Variants in FRAS1 observed in about 807,000 individuals in gnomAD.
FRAS1 encodes the protein extracellular matrix organizing protein FRAS1.
A neutral mutation model predicts 435.2 loss-of-function variants in FRAS1; 290 were observed. That is an observed-to-expected ratio of 0.67 (90% CI 0.61 to 0.73). The LOEUF (loss-of-function observed/expected upper bound fraction) is 0.73, where lower values mean the gene tolerates loss of function less well. Among genes scored for constraint, FRAS1 ranks in the 30% least tolerant of loss-of-function variants. The pLI is 0.00. For missense variants in FRAS1, 4,860 were observed against 5,001.5 expected (o/e 0.97, Z 0.85); for synonymous variants, 1,800 against 1,851.0 (o/e 0.97, Z 0.71).
rs187862671 is a variant in FRAS1, at chr4:78,522,291, C to T, written c.10649-358C>T. On this transcript the variant is annotated intron_variant, in intron 68 of 73. Coordinates refer to ENST00000512123, the MANE Select transcript of FRAS1 (RefSeq NM_025074.7). ...TTTATAAACTACTGAGACCTTTCTA[C>T]CTCCAAGAAACATGTTCGTTAGAAT... is the stretch of plus-strand genomic sequence containing the variant. Among the ~76,000 whole-genome samples, 139 of 152,292 alleles carry T rather than the reference C, an allele frequency of 9.1e-4. 1 individual carries two copies. Among genetic ancestry groups the T allele is most frequent in the Admixed American group, 4.2e-3 (65 of 15,298 alleles).
chr4:78,354,229 A>G (rs1434113395), intron 20 of FRAS1, among the ~76,000 whole-genome samples: 1 of 152,102 alleles, frequency 6.6e-6, no homozygotes, highest in East Asian at 1.9e-4. Context: ...GAGTTTGTCT[A>G]CACTGGGTAG....
chr4:78,111,994 A>C (rs570827915), intron 2 of FRAS1, among the ~76,000 whole-genome samples: 1 of 152,260 alleles, frequency 6.6e-6, no homozygotes, highest in East Asian at 1.9e-4. Context: ...TGTTTTAAAA[A>C]ATCCAGAAAA....
At chr4:78,265,192 AC>A (rs1726292122) in intron 7 of FRAS1, 84 bp downstream of exon 7, 1 of 781,500 alleles carries the variant, frequency 1.3e-6, no homozygotes, top group Non-Finnish European at 2.1e-6. Flanking sequence ...ACCATAAGTC[AC>A]CACCCTCATG....
In FRAS1 at chr4:78,278,655, G is replaced by A. The variant is rs766366654; in HGVS notation, c.982G>A (p.Asp328Asn). ...GCCACTGCAACCCTTATTTCTACAG[G>A]ATGAAGAATTAATTCACTTAGATGG... The part of the protein sequence containing the change: ...GECAKVECAR[D>N]EELIHLDGKC... The change falls in exon 10 of 74, where the codon GAT becomes AAT. Residue 328 changes from aspartate (D) to asparagine (N), a missense_variant and splice_region_variant. Asp to Asn is a conservative substitution (Grantham distance 23). Coordinates refer to ENST00000512123, the MANE Select transcript of FRAS1 (RefSeq NM_025074.7). The A allele has an allele frequency of 1.9e-6, 3 of 1,557,184 alleles. No homozygotes were observed. Among genetic ancestry groups the A allele is most frequent in the Non-Finnish European group, 2.7e-6 (3 of 1,128,512 alleles).
chr4:78,101,453 C>T (rs546096031), intron 2 of FRAS1, among the ~76,000 whole-genome samples: 15 of 152,292 alleles, frequency 9.8e-5, no homozygotes, highest in South Asian at 4.1e-4. Flanking sequence ...TTCACATCAA[C>T]AAAAACCAAA....
At chr4:78,495,475 C>T (rs6825278) in intron 59 of FRAS1, among the ~76,000 whole-genome samples, 110,741 of 151,988 alleles carry the variant, frequency 0.73, 42,035 homozygotes, top group East Asian at 1. Context: ...GCACTCATGA[C>T]ATTTACACAT....
At chr4:78,242,046 A>G (rs1489264301) in intron 3 of FRAS1, among the ~76,000 whole-genome samples, 1 of 152,168 alleles carries the variant, frequency 6.6e-6, no homozygotes, top group East Asian at 1.9e-4. Flanking sequence ...CTTGTACCAG[A>G]TGATCCAACC....
At chr4:78,168,267 T>C (rs950210231) in intron 2 of FRAS1, among the ~76,000 whole-genome samples, 4 of 152,132 alleles carry the variant, frequency 2.6e-5, no homozygotes, top group Non-Finnish European at 5.9e-5. Flanking sequence ...TGGTTCTTCT[T>C]GTCCCCTGCG....
At chr4:78,239,087 C>A (rs745990835) in intron 3 of FRAS1, among the ~76,000 whole-genome samples, 6 of 152,116 alleles carry the variant, frequency 3.9e-5, no homozygotes, top group South Asian at 2.1e-4. Context: ...GTATAGTTGC[C>A]ATGTAGACCA....
At chr4:78,430,241 G>A (rs186999556) in intron 36 of FRAS1, 51 bp from the exon 37 acceptor site, 144 of 1,610,624 alleles carry the variant, frequency 8.9e-5, no homozygotes, top group Admixed American at 1.8e-4. Flanking sequence ...ATAGTCTATC[G>A]TCTTTAACAT....
At chr4:78,324,555 G>A (rs978748189) in intron 18 of FRAS1, among the ~76,000 whole-genome samples, 2 of 152,078 alleles carry the variant, frequency 1.3e-5, no homozygotes, top group Non-Finnish European at 2.9e-5. Flanking sequence ...TTGAAAGTTT[G>A]CATATATCTA....
chr4:78,177,988 T>G (rs942902799), intron 2 of FRAS1, among the ~76,000 whole-genome samples: 2 of 152,128 alleles, frequency 1.3e-5, no homozygotes, highest in Admixed American at 6.5e-5. Flanking sequence ...TCAAAGAAAT[T>G]TTTTCTGTCT....
intron 2 of FRAS1, among the ~76,000 whole-genome samples, chr4:78,128,543 A>C (rs1334007965): frequency 2.0e-5 from 3 of 152,130 alleles, no homozygotes; most frequent in Non-Finnish European, 4.4e-5. Context: ...TGGCTGCATA[A>C]ATGTCTTCTT....
At chr4:78,192,336 G>A (rs751389662) in intron 2 of FRAS1, among the ~76,000 whole-genome samples, 1 of 152,144 alleles carries the variant, frequency 6.6e-6, no homozygotes, top group Non-Finnish European at 1.5e-5. Flanking sequence ...CTATTGATAG[G>A]AATAGTTTCA....
At chr4:78,090,596 G>T (rs374389082) in intron 2 of FRAS1, among the ~76,000 whole-genome samples, 96 of 152,156 alleles carry the variant, frequency 6.3e-4, no homozygotes, top group African/African-American at 2.2e-3. Flanking sequence ...TGTTCCCGAG[G>T]CCCCCAAACC....
intron 13 of FRAS1, 139 bp downstream of exon 13, chr4:78,284,687 T>C (rs1485355750): frequency 1.4e-5 from 10 of 701,466 alleles, no homozygotes; most frequent in Non-Finnish European, 6.9e-6. Context: ...GCACAACGTC[T>C]AAAAACCTCT....
intron 2 of FRAS1, among the ~76,000 whole-genome samples, chr4:78,087,611 A>G (rs1465656510): frequency 6.6e-6 from 1 of 152,202 alleles, no homozygotes; most frequent in African/African-American, 2.4e-5. Context: ...AAAAATCACA[A>G]GCATTCTTAT....
chr4:78,386,635 A>G (rs1429026097), intron 28 of FRAS1, among the ~76,000 whole-genome samples: 1 of 152,168 alleles, frequency 6.6e-6, no homozygotes, highest in Non-Finnish European at 1.5e-5. Flanking sequence ...AAACTGAAAT[A>G]ATATTTTCTT....
chr4:78,263,728 A>G (rs1726223749), intron 6 of FRAS1, among the ~76,000 whole-genome samples: 2 of 152,228 alleles, frequency 1.3e-5, no homozygotes, highest in South Asian at 4.1e-4. Flanking sequence ...ATTCCATTAA[A>G]CAATCAGTGG....
Sources: allele counts gnomAD v4.1 joint callset (sites outside exome capture counted in the v4.1 genomes callset), GRCh38; gene constraint gnomAD v4.1.1; transcripts MANE v1.5; gene names NCBI Gene and HGNC (gene_info 2026-07-23, HGNC 2026-07-21).